KDM1B: variants seen among roughly 807,000 people sequenced by gnomAD.
The protein encoded by KDM1B is lysine demethylase 1B.
A neutral mutation model predicts 107.4 loss-of-function variants in KDM1B; 63 were observed. The ratio of observed to expected loss-of-function variants is 0.59; its 90% confidence interval spans 0.48 to 0.72. The LOEUF is 0.72. Among genes scored for constraint, KDM1B ranks in the 30% least tolerant of loss-of-function variants. KDM1B has a pLI of 0.00. For missense variants in KDM1B, 749 were observed against 1,020.8 expected (o/e 0.73, Z 3.63); for synonymous variants, 363 against 363.9 (o/e 1.00, Z 0.03).
rs1225762717 is a variant in KDM1B, at chr6:18,222,510, A to T, written c.*518A>T. 1.5e-5 allele frequency: 3 copies of T among 202,050 alleles called. No homozygotes were observed. The highest frequency in any genetic ancestry group is 5.5e-5 in the Admixed American group (1 of 18,218). 12.5% of individuals were successfully genotyped at this position (202,050 alleles called of 1,614,324 possible). ...TTAGATAGAACTTTTTTTTGGATAC[A>T]GCACAAACTCCAGTTGACAGTAAAA... On this transcript the variant is annotated 3_prime_UTR_variant, in exon 22 of 22. Transcript: ENST00000650836.
intron 7 of KDM1B, among the ~76,000 whole-genome samples, chr6:18,178,540 A>T (rs926437336): frequency 3.3e-5 from 5 of 151,784 alleles, no homozygotes; most frequent in Non-Finnish European, 7.4e-5. Flanking sequence ...CTACAGGCAC[A>T]CATCACCATG....
At chr6:18,166,899 C>T (rs370482197) in intron 6 of KDM1B, among the ~76,000 whole-genome samples, 5 of 151,870 alleles carry the variant, frequency 3.3e-5, no homozygotes, top group African/African-American at 7.2e-5. Context: ...AAAGGCTCAC[C>T]ACCAGCTGGT....
Position 18,162,859 on chromosome 6 carries a change from C to T in KDM1B, c.240C>T (p.Ser80=), listed in dbSNP as rs1329265048. ...GATGTGCCAAAAATGGCTACACCTC[C>T]CGATGGTATCATCTCTCCTGTGGGG... is the stretch of plus-strand genomic sequence containing the variant. The part of the protein sequence containing the change: ...SERCAKNGYT[S]RWYHLSCGEH... The change falls in exon 5 of 22, where the codon TCC becomes TCT. Residue 80 remains serine (S), a synonymous_variant. Transcript: ENST00000650836. This position sits in a 1 kb window ranked among gnomAD's most constrained non-coding sequence, Gnocchi z 4.1. 6.2e-7 allele frequency: 1 copy of T among 1,611,022 alleles called. No homozygotes were observed. Among genetic ancestry groups the T allele is most frequent in the South Asian group, 1.1e-5 (1 of 90,998 alleles).
chr6:18,220,446 G>A (rs993297643), intron 21 of KDM1B, among the ~76,000 whole-genome samples: 1 of 152,136 alleles, frequency 6.6e-6, no homozygotes, highest in African/African-American at 2.4e-5. Context: ...CGACTCAGGA[G>A]GCTGAGGTAG....
At chr6:18,169,662 G>GTT (rs1211812708) in intron 6 of KDM1B, among the ~76,000 whole-genome samples, 1 of 151,994 alleles carries the variant, frequency 6.6e-6, no homozygotes, top group Non-Finnish European at 1.5e-5. Flanking sequence ...CAATTTATCT[G>GTT]TTTTTTTCTT....
intron 6 of KDM1B, among the ~76,000 whole-genome samples, chr6:18,167,330 C>T (rs1785366338): frequency 6.6e-6 from 1 of 151,578 alleles, no homozygotes; most frequent in Non-Finnish European, 1.5e-5. Context: ...GCACTCCAGC[C>T]TGGTGACAGA....
chr6:18,221,842 T>G, intron 21 of KDM1B, 67 bp from the exon 22 acceptor site: 1 of 1,286,608 alleles, frequency 7.8e-7, no homozygotes, highest in Admixed American at 2.1e-5. Context: ...AAGTCTAACC[T>G]TGTTTTACCT....
chr6:18,176,301 T>A (rs1267520311), intron 7 of KDM1B, among the ~76,000 whole-genome samples: 1 of 152,206 alleles, frequency 6.6e-6, no homozygotes, highest in South Asian at 2.1e-4. Context: ...TGTACATTAA[T>A]CTTGTATCTG....
intron 15 of KDM1B, 80 bp from the exon 16 acceptor site, chr6:18,207,318 C>G (rs1327366497): frequency 1.9e-6 from 3 of 1,544,098 alleles, no homozygotes; most frequent in South Asian, 1.1e-5. Context: ...GCTGTTCCCA[C>G]CTGGAGCTCC....
chr6:18,176,941 T>C (rs1423340561), intron 7 of KDM1B, among the ~76,000 whole-genome samples: 2 of 152,192 alleles, frequency 1.3e-5, no homozygotes, highest in Admixed American at 1.3e-4. Context: ...TTTTCGTTTT[T>C]GGTTATGTCC....
rs1179418269 is a variant in KDM1B at position 18,205,041 on chromosome 6, A to G, written c.1532-496A>G. On this transcript the variant is annotated intron_variant, in intron 14 of 21. Coordinates refer to ENST00000650836, the MANE Select transcript of KDM1B (RefSeq NM_001364614.2). This position sits in a 1 kb window ranked among gnomAD's most constrained non-coding sequence, Gnocchi z 5.7. ...GAGTGCTGACAAGATACAAGCCCAT[A>G]ATGGAATATTCTTGTTTGGGACAGA... is the stretch of plus-strand genomic sequence containing the variant. Among the ~76,000 whole-genome samples the G allele has an allele frequency of 6.6e-6, 1 of 152,162 alleles. No homozygotes were observed. Among genetic ancestry groups the G allele is most frequent in the South Asian group, 2.1e-4 (1 of 4,834 alleles).
At chr6:18,175,556 A>G (rs1582110851) in intron 7 of KDM1B, among the ~76,000 whole-genome samples, 1 of 152,192 alleles carries the variant, frequency 6.6e-6, no homozygotes. Flanking sequence ...TGCCTAAGCA[A>G]GTGTCTAGAA....
In KDM1B at chr6:18,212,674, T is replaced by C. The variant is rs958291580; in HGVS notation, c.1983+70T>C. The stretch of plus-strand genomic sequence containing the variant: ...AGATGATAGATGTTAACTTCTGATA[T>C]GGAGAAGTAGTGGGTACTATCTAAA... On this transcript the variant is annotated intron_variant, in intron 18 of 21. Transcript: ENST00000650836. The surrounding 1 kb of genome is among the most constrained non-coding windows in gnomAD (Gnocchi z 5.2). 5.2e-6 allele frequency: 5 copies of C among 966,750 alleles called. No homozygotes were observed. The highest frequency in any genetic ancestry group is 2.4e-5 in the East Asian group (1 of 41,996). 59.9% of individuals were successfully genotyped at this position (966,750 alleles called of 1,614,324 possible). A position where few individuals can be genotyped will look rare whatever the true frequency, so the allele number is the denominator to read the frequency against.
intron 17 of KDM1B, among the ~76,000 whole-genome samples, chr6:18,208,629 T>TATATATATATATATA (rs1788587576): frequency 7.3e-5 from 1 of 13,776 alleles, no homozygotes; most frequent in East Asian, 2.0e-3. Context: ...ATATATATAT[T>TATATATATATATATA]TTTTTTTTTT....
At chr6:18,174,271 C>T (rs1457047801) in intron 7 of KDM1B, among the ~76,000 whole-genome samples, 1 of 151,762 alleles carries the variant, frequency 6.6e-6, no homozygotes, top group African/African-American at 2.4e-5. Flanking sequence ...ATTGTTTTGG[C>T]TATTCTAGGA....
chr6:18,212,554 GAGA>G lies in KDM1B; in HGVS notation c.1940_1942del (p.Lys647del). 3 of 1,614,184 alleles carry G rather than the reference GAGA, an allele frequency of 1.9e-6. No homozygotes were observed. The highest frequency in any genetic ancestry group is 2.5e-6 in the Non-Finnish European group (3 of 1,180,012). ...CATTCAGTTTAATCCACCGTTGTCAGAGAAGAAGATGAAGGCTATCAACAGCTT... is the reference window on the plus strand; with the variant it reads ...CATTCAGTTTAATCCACCGTTGTCAGAGAAGATGAAGGCTATCAACAGCTT... On this transcript the variant is annotated inframe_deletion, in exon 18 of 22. Coordinates refer to ENST00000650836, the MANE Select transcript of KDM1B (RefSeq NM_001364614.2). This position sits in a 1 kb window ranked among gnomAD's most constrained non-coding sequence, Gnocchi z 5.2.
At chr6:18,167,796 T>C (rs984984604) in intron 6 of KDM1B, among the ~76,000 whole-genome samples, 2 of 151,964 alleles carry the variant, frequency 1.3e-5, no homozygotes, top group African/African-American at 4.8e-5. Context: ...GGGGCCTTGC[T>C]CTGTCGTTCA....
At position 18,190,967 on chromosome 6, in the gene KDM1B, T is replaced by A. The variant is rs370538298; in HGVS notation, c.785-230T>A. On this transcript the variant is annotated intron_variant, in intron 9 of 21. Transcript: ENST00000650836. ...TTTTTTACCACAGTTAAAAATAAAA[T>A]AATTTTTCCATGCTATGGAAATTAA... Among the ~76,000 whole-genome samples the A allele has an allele frequency of 3.3e-4, 50 of 152,052 alleles. No individual in the cohort carries two copies. The South Asian group carries it at 5.4e-3, about 16-fold the overall frequency.
intron 5 of KDM1B, among the ~76,000 whole-genome samples, chr6:18,164,385 C>A (rs1785158404): frequency 6.6e-6 from 1 of 152,070 alleles, no homozygotes; most frequent in Non-Finnish European, 1.5e-5. Flanking sequence ...GCCTCAGCCT[C>A]CCAAAGTGCT....
Sources: allele counts gnomAD v4.1 joint callset (sites outside exome capture counted in the v4.1 genomes callset), GRCh38; gene constraint gnomAD v4.1.1; non-coding constraint Gnocchi (gnomAD v3.1); transcripts MANE v1.5; gene names NCBI Gene and HGNC (gene_info 2026-07-23, HGNC 2026-07-21).